DENND4C: variants seen among roughly 807,000 people sequenced by gnomAD.
DENND4C encodes the protein DENN domain containing 4C, also known as DENN domain-containing protein 4C.
In DENND4C, 108 loss-of-function variants were observed where a neutral mutation model predicts 203.0. The observed-to-expected ratio is 0.53, with a 90% confidence interval of 0.46 to 0.62. The LOEUF is 0.62. DENND4C is among the 20% of genes least tolerant of loss of function. The pLI, the probability that DENND4C is intolerant of heterozygous loss-of-function variation, is 0.00. For missense variants in DENND4C, 2,481 were observed against 2,301.2 expected, an observed-to-expected ratio of 1.08 and a Z score of -1.60; for synonymous variants, 871 against 792.4, an observed-to-expected ratio of 1.10 and a Z score of -1.67.
In DENND4C at chr9:19,368,026, T is replaced by C. The variant is rs1828039734; in HGVS notation, c.5525-1811T>C. The stretch of plus-strand genomic sequence containing the variant: ...TTCTTTTTGGGATATGAACATGTTC[T>C]AAAATTGATAGTGATGATGGTTGCA... On this transcript the variant is annotated intron_variant, in intron 30 of 32. Coordinates refer to ENST00000434457, the MANE Select transcript of DENND4C (RefSeq NM_001330640.2). 2.0e-5 allele frequency among the ~76,000 whole-genome samples: 3 copies of C among 152,188 alleles called. No homozygotes were observed. In the South Asian group the frequency reaches 6.2e-4, roughly 32 times the overall value.
rs965440152 is a variant in DENND4C, at chr9:19,266,632, T to G, written c.-17-9526T>G. Among the ~76,000 whole-genome samples, 3 of 152,146 alleles carry G rather than the reference T, an allele frequency of 2.0e-5. No homozygotes were observed. The South Asian group carries it at 6.2e-4, about 32-fold the overall frequency. On this transcript the variant is annotated intron_variant, in intron 1 of 32. Transcript: ENST00000434457. ...TGGTACTGGTACCAAAACAGAGATATAGACCAATGGAACAGAACAGAGCCC... is the reference window on the plus strand; with the variant it reads ...TGGTACTGGTACCAAAACAGAGATAGAGACCAATGGAACAGAACAGAGCCC...
intron 16 of DENND4C, among the ~76,000 whole-genome samples, chr9:19,329,511 T>C (rs1297300018): frequency 6.6e-6 from 1 of 152,234 alleles, no homozygotes; most frequent in African/African-American, 2.4e-5. Context: ...AATGAACATT[T>C]GTGTATAAGT....
At chr9:19,336,858 C>T in intron 20 of DENND4C, 26 bp downstream of exon 20, 1 of 1,536,270 alleles carries the variant, frequency 6.5e-7, no homozygotes, top group South Asian at 1.2e-5. Context: ...TTTTACTAAC[C>T]CTTCACTTAC....
chr9:19,272,670 G>A (rs1831973955), intron 1 of DENND4C, among the ~76,000 whole-genome samples: 1 of 152,130 alleles, frequency 6.6e-6, no homozygotes. Flanking sequence ...ATGTATCGTA[G>A]ACCTAAATGT....
chr9:19,355,393 C>T (rs1317411343), intron 26 of DENND4C, among the ~76,000 whole-genome samples: 2 of 151,902 alleles, frequency 1.3e-5, no homozygotes, highest in Admixed American at 1.3e-4. Context: ...AATTTTTATC[C>T]TTGAACGTTT....
chr9:19,291,703 T>TA (rs61007729), intron 5 of DENND4C, among the ~76,000 whole-genome samples: 87 of 135,508 alleles, frequency 6.4e-4, no homozygotes, highest in South Asian at 6.0e-3. Flanking sequence ...ATACTCTTTC[T>TA]AAAAAAAAAA....
intron 1 of DENND4C, among the ~76,000 whole-genome samples, chr9:19,275,848 C>G (rs1832800671): frequency 1.3e-5 from 2 of 152,158 alleles, no homozygotes; most frequent in South Asian, 4.1e-4. Context: ...CTCAGGTGAT[C>G]CACTTGCCTT....
chr9:19,313,862 C>T (rs1841228620), intron 10 of DENND4C, among the ~76,000 whole-genome samples: 1 of 152,060 alleles, frequency 6.6e-6, no homozygotes, highest in African/African-American at 2.4e-5. Flanking sequence ...AGGGGAGATC[C>T]CTCCCCTAAT....
At chr9:19,366,139 A>G (rs956940603) in intron 30 of DENND4C, among the ~76,000 whole-genome samples, 2 of 152,246 alleles carry the variant, frequency 1.3e-5, no homozygotes, top group Non-Finnish European at 2.9e-5. Flanking sequence ...ACAGTGTTAT[A>G]GGACTCACAG....
rs375799734 is a variant in DENND4C, at chr9:19,346,443, A to G, written c.3674A>G (p.Lys1225Arg). Residue 1225 changes from lysine (K) to arginine (R), a missense_variant, in exon 23 of 33, where the codon AAA becomes AGA. Around this residue, in one of 3 missense-constraint regions of DENND4C, gnomAD observed 2,289 missense variants for 2,113.3 expected, o/e 1.08. Coordinates refer to ENST00000434457, the MANE Select transcript of DENND4C (RefSeq NM_001330640.2). ...NQSRDLKTVS[K>R]DLRNKRSSLY... ...TCCAGAGACTTGAAAACAGTATCCA[A>G]AGATCTGAGGAATAAGAGAAGTAGT... 1.9e-5 allele frequency: 31 copies of G among 1,614,042 alleles called. No individual in the cohort carries two copies. Among genetic ancestry groups the G allele is most frequent in the Non-Finnish European group, 2.5e-5 (30 of 1,180,038 alleles).
intron 6 of DENND4C, among the ~76,000 whole-genome samples, chr9:19,297,657 G>A (rs1837739218): frequency 6.6e-6 from 1 of 152,100 alleles, no homozygotes; most frequent in African/African-American, 2.4e-5. Context: ...AGAATGGGTA[G>A]GTGGTTCATC....
chr9:19,268,728 GT>G (rs34267662), intron 1 of DENND4C, among the ~76,000 whole-genome samples: 11,312 of 148,792 alleles, frequency 0.076, 478 homozygotes, highest in Middle Eastern at 0.13. Flanking sequence ...TAAAAGTTTT[GT>G]TTTTTTTTCA....
In DENND4C at chr9:19,374,116, A is replaced by T. The variant is rs944864765; in HGVS notation, c.*1943A>T. Among the ~76,000 whole-genome samples, 3 of 152,236 alleles carry T rather than the reference A, an allele frequency of 2.0e-5. No homozygotes were observed. Among genetic ancestry groups the T allele is most frequent in the Non-Finnish European group, 4.4e-5 (3 of 68,046 alleles). ...CATATAAAAATTGAGGTTGAATAAAATGAAAAATTGTTGTTTTCTGTTACA... is the reference window on the plus strand; with the variant it reads ...CATATAAAAATTGAGGTTGAATAAATTGAAAAATTGTTGTTTTCTGTTACA... On this transcript the variant is annotated 3_prime_UTR_variant, in exon 33 of 33. Transcript: ENST00000434457.
At chr9:19,354,549 CTTTTTTTTTTTT>C (rs66823332) in intron 26 of DENND4C, among the ~76,000 whole-genome samples, 3 of 87,294 alleles carry the variant, frequency 3.4e-5, no homozygotes, top group African/African-American at 9.3e-5. Context: ...TTATTCTAGC[CTTTTTTTTTTTT>C]TTTTTTTTTG....
At chr9:19,357,240 T>TA in intron 27 of DENND4C, 86 bp downstream of exon 27, 4 of 1,326,202 alleles carry the variant, frequency 3.0e-6, no homozygotes, top group Non-Finnish European at 4.3e-6. Context: ...ACCTGACTCA[T>TA]ATAGGCATAA....
At chr9:19,323,419 G>A (rs1398937442) in intron 12 of DENND4C, among the ~76,000 whole-genome samples, 2 of 144,978 alleles carry the variant, frequency 1.4e-5, no homozygotes. Flanking sequence ...GACAGAGCTA[G>A]ACTCTGTCTG....
intron 12 of DENND4C, among the ~76,000 whole-genome samples, chr9:19,319,254 T>C (rs996446769): frequency 1.4e-5 from 2 of 145,748 alleles, no homozygotes; most frequent in Admixed American, 1.4e-4. Flanking sequence ...TATATAAACA[T>C]ATGTATAAAC....
intron 1 of DENND4C, among the ~76,000 whole-genome samples, chr9:19,233,903 A>G (rs1821215570): frequency 6.6e-6 from 1 of 152,158 alleles, no homozygotes. Flanking sequence ...TTTTATTGGA[A>G]AAAATGTAAC....
chr9:19,325,918 A>T, intron 13 of DENND4C, 21 bp from the exon 14 acceptor site: 4 of 1,591,102 alleles, frequency 2.5e-6, no homozygotes, highest in Non-Finnish European at 3.4e-6. Flanking sequence ...TTCATTAAGA[A>T]TCTGTTTTCT....
Sources: gnomAD v4.1 joint callset for allele counts (sites outside exome capture counted in the v4.1 genomes callset) on GRCh38, gnomAD v4.1.1 for gene constraint, gnomAD v4.1.1 regional missense constraint, MANE v1.5 for transcripts, NCBI Gene and HGNC (gene_info 2026-07-23, HGNC 2026-07-21) for gene names.